The following DLG3 variants were observed in gnomAD, a reference collection of about 807,000 sequenced individuals.
DLG3 encodes the protein discs large MAGUK scaffold protein 3.
DLG3 carries 1 observed loss-of-function variant against 64.1 expected under a neutral mutation model. The ratio of observed to expected loss-of-function variants is 0.02; its 90% CI spans 0.01 to 0.07. DLG3 has a LOEUF of 0.07. Among genes scored for constraint, DLG3 ranks in the 10% least tolerant of loss-of-function variants. The pLI, the probability that DLG3 is intolerant of heterozygous loss-of-function variation, is 1.00. For missense variants in DLG3, 429 were observed against 669.5 expected (o/e 0.64, Z 3.96); for synonymous variants, 245 against 259.8 (o/e 0.94, Z 0.55).
intron 1 of DLG3, among the ~76,000 whole-genome samples, chrX:70,448,146 C>T (rs55677421): frequency 3.2e-4 from 36 of 112,200 alleles, no homozygotes; most frequent in Non-Finnish European, 5.4e-4. Context: ...GAATTGGGTT[C>T]CTGGAGTCCA....
intron 1 of DLG3, among the ~76,000 whole-genome samples, chrX:70,448,024 TC>T (rs752406240): frequency 2.7e-5 from 3 of 112,062 alleles, no homozygotes; most frequent in Non-Finnish European, 3.8e-5. Flanking sequence ...TGTCTCTGAC[TC>T]CTGACCAGAT....
intron 7 of DLG3, 88 bp from the exon 8 acceptor site, chrX:70,453,549 G>A: frequency 8.6e-7 from 1 of 1,159,788 alleles, no homozygotes; most frequent in Non-Finnish European, 1.2e-6. Context: ...ACTCCCTACA[G>A]CAAGTATGGA....
rs967867552 is a variant in DLG3, at chrX:70,504,234, A to C, written c.*1965A>C. 2 of 111,815 alleles carry C rather than the reference A, an allele frequency of 1.8e-5. No individual in the cohort carries two copies. The highest frequency in any genetic ancestry group is 6.5e-5 in the African/African-American group (2 of 30,586). The allele number at this position is 111,815 out of a possible 1,213,427, so 9.2% of individuals were successfully genotyped here. ...TTCTCTGATGTTAACTAAGTGGCAA[A>C]GTCTCAACCGTGCTCAGCCCTCCCC... On this transcript the variant is annotated 3_prime_UTR_variant, in exon 19 of 19. Transcript: ENST00000374360.
At chrX:70,452,432 C>G (rs754855073) in intron 7 of DLG3, 22 of 949,811 alleles carry the variant, frequency 2.3e-5, no homozygotes, top group Non-Finnish European at 7.9e-6. Context: ...CTGACCGGCC[C>G]GGTGGCCTCG....
chrX:70,446,474 G>A (rs966844089), intron 1 of DLG3, among the ~76,000 whole-genome samples: 1 of 112,170 alleles, frequency 8.9e-6, no homozygotes, highest in African/African-American at 3.2e-5. Context: ...AAGCCTCCTC[G>A]CTCTAGAGCA....
At chrX:70,473,956 G>A (rs1373499993) in intron 9 of DLG3, among the ~76,000 whole-genome samples, 18 of 112,063 alleles carry the variant, frequency 1.6e-4, no homozygotes, top group Non-Finnish European at 3.4e-4. Flanking sequence ...TAGGAAAGAT[G>A]GTGAAGGATG....
At chrX:70,493,593 G>T in intron 12 of DLG3, 1 of 601,244 alleles carries the variant, frequency 1.7e-6, no homozygotes. Context: ...GCCTGCCTGT[G>T]TGCGTGTGCA....
chrX:70,455,216 G>C, intron 9 of DLG3: 2 of 754,703 alleles, frequency 2.7e-6, no homozygotes, highest in Non-Finnish European at 3.1e-6. Context: ...GGACTGGCCG[G>C]AGCTGGCGCT....
rs777915518 is a variant in DLG3 at position 70,501,531 on chromosome X, T to C, written c.2347+542T>C. ...AGTGACATATATATACATAAATATA[T>C]GCAAGGCAGTGCCGAATCCATTCTA... is the stretch of plus-strand genomic sequence containing the variant. On this transcript the variant is annotated intron_variant, in intron 18 of 18. Coordinates refer to ENST00000374360, the MANE Select transcript of DLG3 (RefSeq NM_021120.4). Among the ~76,000 whole-genome samples the C allele has an allele frequency of 2.2e-3, 248 of 110,638 alleles. 3 individuals carry two copies. Among genetic ancestry groups the C allele is most frequent in the Non-Finnish European group, 7.7e-4 (41 of 53,007 alleles).
intron 9 of DLG3, among the ~76,000 whole-genome samples, chrX:70,469,557 C>G (rs1397454124): frequency 9.3e-6 from 1 of 107,628 alleles, no homozygotes; most frequent in Non-Finnish European, 1.9e-5. Context: ...ATTCTCATGT[C>G]TCAGCCTCCT....
intron 12 of DLG3, chrX:70,493,515 C>A: frequency 9.1e-7 from 1 of 1,102,321 alleles, no homozygotes; most frequent in Non-Finnish European, 1.2e-6. Flanking sequence ...CCATCTGCAG[C>A]CCCATCCTCT....
chrX:70,504,051 C>G lies in DLG3; in HGVS notation c.*1782C>G, dbSNP rs996450538. On this transcript the variant is annotated 3_prime_UTR_variant, in exon 19 of 19. Transcript: ENST00000374360. ...GGGAACTCTGTTAACAGTTGTCCAA[C>G]CAGCAGAATGAGGCTAACTGTATAA... is the stretch of plus-strand genomic sequence containing the variant. The G allele has an allele frequency of 8.9e-6, 1 of 111,849 alleles. No individual in the cohort carries two copies. The highest frequency in any genetic ancestry group is 9.5e-5 in the Admixed American group (1 of 10,498). 9.2% of individuals were successfully genotyped at this position (111,849 alleles called of 1,213,427 possible).
rs928144717 is a variant in DLG3, at chrX:70,501,607, C to G, written c.2348-556C>G. On this transcript the variant is annotated intron_variant, in intron 18 of 18. Transcript: ENST00000374360. ...TGTAAAGAATTCATAAATGTCCTCACACACCTTGGGTCTTCAGAGCTCCCT... is the reference window on the plus strand; with the variant it reads ...TGTAAAGAATTCATAAATGTCCTCAGACACCTTGGGTCTTCAGAGCTCCCT... Among the ~76,000 whole-genome samples, 11 of 111,559 alleles carry G rather than the reference C, an allele frequency of 9.9e-5. No individual in the cohort carries two copies. In the Admixed American group the frequency reaches 1.1e-3, roughly 11 times the overall value.
chrX:70,445,639 G>A (rs1458597577), intron 1 of DLG3, 81 bp downstream of exon 1: 1 of 924,774 alleles, frequency 1.1e-6, no homozygotes, highest in African/African-American at 2.0e-5. Context: ...GGATGCAGTA[G>A]GGGTCGCTGG....
intron 9 of DLG3, among the ~76,000 whole-genome samples, chrX:70,471,966 T>G (rs1228511847): frequency 9.0e-6 from 1 of 111,728 alleles, no homozygotes; most frequent in Non-Finnish European, 1.9e-5. Flanking sequence ...TAGTTCTAAT[T>G]GTGTTACTTT....
chrX:70,455,360 A>G (rs1387853757), intron 9 of DLG3: 4 of 749,584 alleles, frequency 5.3e-6, no homozygotes, highest in Non-Finnish European at 6.3e-6. Flanking sequence ...GCGTGCCCCA[A>G]TTCTGCCCTC....
intron 9 of DLG3, among the ~76,000 whole-genome samples, chrX:70,477,402 A>G (rs1179949068): frequency 8.9e-6 from 1 of 112,106 alleles, no homozygotes; most frequent in Admixed American, 9.4e-5. Flanking sequence ...GAAAGGAACA[A>G]ATGAGAAACA....
At chrX:70,457,033 C>T (rs2086721006) in intron 9 of DLG3, among the ~76,000 whole-genome samples, 1 of 111,582 alleles carries the variant, frequency 9.0e-6, no homozygotes, top group African/African-American at 3.3e-5. Flanking sequence ...TTTTTCTTCA[C>T]GTGAATGTGA....
chrX:70,453,505 G>T, intron 7 of DLG3, 132 bp from the exon 8 acceptor site: 10 of 981,007 alleles, frequency 1.0e-5, no homozygotes, highest in Non-Finnish European at 1.4e-5. Flanking sequence ...ACAAAGGGAG[G>T]CTCAGGGTAT....
Sources: gnomAD v4.1 joint callset for allele counts (sites outside exome capture counted in the v4.1 genomes callset) on GRCh38, gnomAD v4.1.1 for gene constraint, MANE v1.5 for transcripts, NCBI Gene and HGNC (gene_info 2026-07-23, HGNC 2026-07-21) for gene names.